Variants in TIMM23 observed in about 807,000 individuals in gnomAD.
TIMM23 encodes translocase of inner mitochondrial membrane 23, also known as mitochondrial import inner membrane translocase subunit Tim23.
A neutral mutation model predicts 30.7 loss-of-function variants in TIMM23; 19 were observed. That is an observed-to-expected ratio of 0.62 (90% confidence interval 0.43 to 0.91). The LOEUF (loss-of-function observed/expected upper bound fraction) is 0.91. TIMM23 is among the 40% of genes least tolerant of loss of function. TIMM23 has a pLI of 0.00. For synonymous variants in TIMM23, 78 were observed against 98.5 expected (o/e 0.79, Z 1.23); for missense variants, 202 against 269.2 (o/e 0.75, Z 1.75).
intron 6 of TIMM23, among the ~76,000 whole-genome samples, chr10:45,989,395 G>A (rs1838091115): frequency 1.3e-5 from 2 of 152,136 alleles, no homozygotes; most frequent in African/African-American, 2.4e-5. Flanking sequence ...GAATATTTGG[G>A]TTGCTTCTAC....
chr10:45,991,779 A>T (rs1372598767), intron 6 of TIMM23, among the ~76,000 whole-genome samples: 1 of 151,960 alleles, frequency 6.6e-6, no homozygotes, highest in Non-Finnish European at 1.5e-5. Flanking sequence ...AAAAAAGAAA[A>T]AAATGATGAT....
intron 2 of TIMM23, among the ~76,000 whole-genome samples, chr10:45,981,811 A>G (rs1424590759): frequency 2.6e-5 from 4 of 152,184 alleles, no homozygotes; most frequent in Non-Finnish European, 4.4e-5. Flanking sequence ...TTAATCCAAC[A>G]TGGTGATAAA....
At chr10:45,977,841 G>A (rs1329302918) in intron 2 of TIMM23, among the ~76,000 whole-genome samples, 3 of 151,998 alleles carry the variant, frequency 2.0e-5, no homozygotes, top group African/African-American at 7.2e-5. Flanking sequence ...AGACCAGCCT[G>A]GCCAACATGG....
intron 2 of TIMM23, among the ~76,000 whole-genome samples, chr10:45,982,269 A>G (rs1837873571): frequency 6.6e-6 from 1 of 152,160 alleles, no homozygotes; most frequent in Non-Finnish European, 1.5e-5. Context: ...CTTTTGCACA[A>G]ATCTATCAGA....
chr10:45,999,830 C>A (rs1441615027), intron 6 of TIMM23, among the ~76,000 whole-genome samples: 1 of 152,072 alleles, frequency 6.6e-6, no homozygotes, highest in African/African-American at 2.4e-5. Flanking sequence ...AGTCTACAGA[C>A]CATAAAAGAT....
In TIMM23 at chr10:45,993,664, G is replaced by A. The variant is rs1838239733; in HGVS notation, c.514+4817G>A. ...GCAAGTCTCTGTCTCGAAATGAAAT[G>A]GAATGAAATGAAGAGAATAAATGAA... On this transcript the variant is annotated intron_variant, in intron 6 of 6. Transcript: ENST00000580018. 2.0e-5 allele frequency among the ~76,000 whole-genome samples: 3 copies of A among 151,958 alleles called. No homozygotes were observed. The South Asian group carries it at 6.2e-4, about 32-fold the overall frequency.
chr10:46,003,111 C>A, intron 6 of TIMM23, 92 bp from the exon 7 acceptor site: 3 of 1,035,720 alleles, frequency 2.9e-6, no homozygotes, highest in Non-Finnish European at 4.4e-6. Flanking sequence ...CCGTGCCCAG[C>A]CCATTTCACA....
intron 2 of TIMM23, among the ~76,000 whole-genome samples, chr10:45,982,083 G>C (rs1181275486): frequency 6.6e-6 from 1 of 152,076 alleles, no homozygotes; most frequent in Non-Finnish European, 1.5e-5. Flanking sequence ...GATCCAAACT[G>C]TTGTACTTTA....
chr10:45,977,345 C>T (rs1837704587), intron 2 of TIMM23, among the ~76,000 whole-genome samples: 1 of 151,746 alleles, frequency 6.6e-6, no homozygotes, highest in Non-Finnish European at 1.5e-5. Flanking sequence ...TACAGAGCCA[C>T]ATCATGATAG....
intron 6 of TIMM23, chr10:46,002,592 G>A (rs1838577563): frequency 1.5e-6 from 1 of 682,904 alleles, no homozygotes; most frequent in African/African-American, 1.9e-5. Context: ...CAGTGCTAGT[G>A]GAGTTCTAAA....
intron 5 of TIMM23, 29 bp from the exon 6 acceptor site, chr10:45,988,708 G>T (rs1227247146): frequency 6.2e-7 from 1 of 1,607,278 alleles, no homozygotes; most frequent in Non-Finnish European, 8.5e-7. Context: ...TCACTGTTTT[G>T]TCACTGAGCA....
intron 6 of TIMM23, among the ~76,000 whole-genome samples, chr10:45,994,193 G>T (rs1461993675): frequency 6.6e-5 from 10 of 151,946 alleles, no homozygotes; most frequent in African/African-American, 2.2e-4. Context: ...ACAAAAACCA[G>T]CCGGGCATGA....
At chr10:45,974,960 C>T (rs1837622506) in intron 1 of TIMM23, among the ~76,000 whole-genome samples, 3 of 151,788 alleles carry the variant, frequency 2.0e-5, no homozygotes, top group Non-Finnish European at 4.4e-5. Flanking sequence ...GGATTCTCAA[C>T]CTTGCCACAG....
Position 45,972,702 on chromosome 10 carries a change from C to T in TIMM23, c.78C>T (p.Tyr26=), listed in dbSNP as rs781907865. Residue 26 remains tyrosine (Y), a synonymous_variant, in exon 1 of 7, where the codon TAC becomes TAT. Coordinates refer to ENST00000580018, the MANE Select transcript of TIMM23 (RefSeq NM_006327.4). The stretch of plus-strand genomic sequence containing the variant: ...TTTTCGGAGCCGGCGGAGCAGGTTA[C>T]TCGCACGCGGATTTGGCTGGCGTCC... ...AGFFGAGGAG[Y]SHADLAGVPL... is the part of the protein sequence containing the mutation. The T allele has an allele frequency of 3.2e-5, 52 of 1,613,896 alleles. No homozygotes were observed. Among genetic ancestry groups the T allele is most frequent in the Non-Finnish European group, 4.3e-5 (51 of 1,179,886 alleles).
At chr10:45,985,881 C>T (rs1271301955) in intron 5 of TIMM23, among the ~76,000 whole-genome samples, 1 of 152,208 alleles carries the variant, frequency 6.6e-6, no homozygotes, top group Non-Finnish European at 1.5e-5. Context: ...TTTCAGGCAC[C>T]TAATTGCCAC....
intron 2 of TIMM23, 124 bp from the exon 3 acceptor site, chr10:45,982,399 A>G (rs1837876054): frequency 3.4e-6 from 3 of 882,362 alleles, no homozygotes; most frequent in African/African-American, 1.7e-5. Flanking sequence ...TTGTTTAAGT[A>G]TAGGTTTGAG....
intron 1 of TIMM23, among the ~76,000 whole-genome samples, chr10:45,974,430 A>G (rs1299021625): frequency 6.6e-6 from 1 of 152,214 alleles, no homozygotes; most frequent in Non-Finnish European, 1.5e-5. Flanking sequence ...TAGCTAGTGC[A>G]AATGTCCTGA....
intron 2 of TIMM23, among the ~76,000 whole-genome samples, chr10:45,978,421 A>G (rs1480989226): frequency 6.6e-6 from 1 of 152,234 alleles, no homozygotes; most frequent in African/African-American, 2.4e-5. Context: ...CTGATAAGGA[A>G]TTTATATCTA....
At chr10:45,978,069 G>T (rs2132245974) in intron 2 of TIMM23, among the ~76,000 whole-genome samples, 1 of 152,078 alleles carries the variant, frequency 6.6e-6, no homozygotes, top group African/African-American at 2.4e-5. Context: ...AATGGAAAAA[G>T]TCCTGGCGCA....
Sources: allele counts gnomAD v4.1 joint callset (sites outside exome capture counted in the v4.1 genomes callset), GRCh38; gene constraint gnomAD v4.1.1; transcripts MANE v1.5; gene names NCBI Gene and HGNC (gene_info 2026-07-23, HGNC 2026-07-21).